FBXL2: variants seen among roughly 807,000 people sequenced by gnomAD.
FBXL2 encodes the protein F-box and leucine rich repeat protein 2, also known as F-box/LRR-repeat protein 2.
FBXL2 carries 38 observed loss-of-function variants against 69.2 expected under a neutral mutation model. The observed-to-expected ratio is 0.55, with a 90% CI of 0.42 to 0.72. The LOEUF (loss-of-function observed/expected upper bound fraction) is 0.72. FBXL2 is among the 30% of genes least tolerant of loss of function. FBXL2 has a pLI of 0.00. For synonymous variants in FBXL2, 192 were observed against 201.3 expected (o/e 0.95, Z 0.39); for missense variants, 354 against 520.3 (o/e 0.68, Z 3.11).
chr3:33,375,708 A>C (rs1211969627), intron 10 of FBXL2, among the ~76,000 whole-genome samples: 1 of 152,178 alleles, frequency 6.6e-6, no homozygotes, highest in East Asian at 1.9e-4. Context: ...TGCTTTAAGC[A>C]CCCGAGTGAG....
At chr3:33,408,885 T>A in the FBXL2 span, 1 of 1,158,346 alleles carries the variant, frequency 8.6e-7, no homozygotes, top group Non-Finnish European at 1.3e-6. Context: ...TCAGTCCAAT[T>A]AAACAAATGC....
intron 2 of FBXL2, among the ~76,000 whole-genome samples, chr3:33,338,578 CACTT>C (rs2039765636): frequency 1.3e-5 from 2 of 152,042 alleles, no homozygotes. Flanking sequence ...CAAAAACAGA[CACTT>C]AGACCAATGG....
the FBXL2 span, among the ~76,000 whole-genome samples, chr3:33,413,563 A>C: frequency 2.6e-5 from 4 of 151,822 alleles, no homozygotes; most frequent in South Asian, 2.1e-4. Flanking sequence ...AAAAAAAAAA[A>C]AACTTTGAGT....
chr3:33,419,064 TCA>T, the FBXL2 span, among the ~76,000 whole-genome samples: 1 of 152,104 alleles, frequency 6.6e-6, no homozygotes, highest in Admixed American at 6.5e-5. Context: ...TATAAATCCC[TCA>T]GTTTTCTGCT....
At chr3:33,390,564 G>A, downstream of FBXL2, 1 of 614,856 alleles carries the variant, frequency 1.6e-6, no homozygotes, top group Admixed American at 2.9e-5. Flanking sequence ...TCCCTTTTTA[G>A]ACATTCTGCG....
At chr3:33,350,795 G>T (rs2154036731) in intron 2 of FBXL2, among the ~76,000 whole-genome samples, 1 of 152,168 alleles carries the variant, frequency 6.6e-6, no homozygotes, top group Non-Finnish European at 1.5e-5. Flanking sequence ...GAAAGAAAAA[G>T]ATGTCCCCTT....
intron 1 of FBXL2, among the ~76,000 whole-genome samples, chr3:33,297,001 C>G (rs962221158): frequency 6.6e-5 from 10 of 152,128 alleles, no homozygotes; most frequent in African/African-American, 2.4e-4. Flanking sequence ...TAACATAACA[C>G]TAGTAAGTCT....
At chr3:33,396,055 G>A (rs2043980401) in intron 12 of FBXL2, 1 of 1,004,318 alleles carries the variant, frequency 1.0e-6, no homozygotes, top group Non-Finnish European at 1.4e-6. Context: ...GAGCAACTTG[G>A]CATTCCTAAC....
At chr3:33,342,711 C>CTTTT (rs71070130) in intron 2 of FBXL2, among the ~76,000 whole-genome samples, 1,423 of 38,056 alleles carry the variant, frequency 0.037, 372 homozygotes, top group Non-Finnish European at 0.046. Flanking sequence ...AATATAACTT[C>CTTTT]TTTTTTTTTT....
At chr3:33,416,679 G>T in the FBXL2 span, 1 of 1,122,506 alleles carries the variant, frequency 8.9e-7, no homozygotes, top group Non-Finnish European at 1.3e-6. Context: ...AATTATTGAA[G>T]TGAAATTAAT....
intron 2 of FBXL2, among the ~76,000 whole-genome samples, chr3:33,357,403 T>C (rs2041277880): frequency 6.6e-6 from 1 of 152,204 alleles, no homozygotes; most frequent in African/African-American, 2.4e-5. Flanking sequence ...ACACAGCTAT[T>C]AGGGGCAGGA....
At chr3:33,360,507 T>A (rs1407863013) in intron 4 of FBXL2, among the ~76,000 whole-genome samples, 2 of 152,172 alleles carry the variant, frequency 1.3e-5, no homozygotes, top group African/African-American at 4.8e-5. Context: ...GGTGCTCTGC[T>A]CTTGGAAGGG....
At chr3:33,337,625 CAAAA>C (rs2039693122) in intron 2 of FBXL2, among the ~76,000 whole-genome samples, 1 of 151,986 alleles carries the variant, frequency 6.6e-6, no homozygotes, top group South Asian at 2.1e-4. Flanking sequence ...AGCAATCAGG[CAAAA>C]GAAAGAAAGA....
chr3:33,347,519 C>T (rs1388895198), intron 2 of FBXL2, among the ~76,000 whole-genome samples: 5 of 152,164 alleles, frequency 3.3e-5, no homozygotes, highest in Non-Finnish European at 7.4e-5. Context: ...GATTTACTTT[C>T]TTTTGGGTAT....
chr3:33,283,429 G>T (rs1432754782), intron 1 of FBXL2, among the ~76,000 whole-genome samples: 1 of 152,308 alleles, frequency 6.6e-6, no homozygotes, highest in Non-Finnish European at 1.5e-5. Flanking sequence ...GCTTTTTGAT[G>T]TGCTGCTGGA....
chr3:33,291,144 T>C (rs1324635886), intron 1 of FBXL2, among the ~76,000 whole-genome samples: 1 of 152,174 alleles, frequency 6.6e-6, no homozygotes, highest in African/African-American at 2.4e-5. Flanking sequence ...TTACCCAGGC[T>C]GGTCTCAAAC....
At chr3:33,324,730 G>T (rs893926022) in intron 2 of FBXL2, among the ~76,000 whole-genome samples, 7 of 152,146 alleles carry the variant, frequency 4.6e-5, no homozygotes, top group African/African-American at 7.2e-5. Flanking sequence ...TTGAAGTCGG[G>T]TAGTGTGATG....
downstream of FBXL2, among the ~76,000 whole-genome samples, chr3:33,405,834 A>G (rs1460896344): frequency 6.6e-6 from 1 of 152,320 alleles, no homozygotes; most frequent in South Asian, 2.1e-4. Flanking sequence ...GAAACTGTGA[A>G]GCACACTGAG....
At chr3:33,291,252 G>C (rs756827852) in intron 1 of FBXL2, among the ~76,000 whole-genome samples, 14 of 152,068 alleles carry the variant, frequency 9.2e-5, no homozygotes, top group Non-Finnish European at 1.6e-4. Flanking sequence ...TTAAAGTGCT[G>C]TATTTTTTCT....
Sources: gnomAD v4.1 joint callset for allele counts (sites outside exome capture counted in the v4.1 genomes callset) on GRCh38, gnomAD v4.1.1 for gene constraint, MANE v1.5 for transcripts, NCBI Gene and HGNC (gene_info 2026-07-23, HGNC 2026-07-21) for gene names.